CDK14: variants seen among roughly 807,000 people sequenced by gnomAD.
The protein encoded by CDK14 is cyclin-dependent kinase 14.
In CDK14, 34 loss-of-function variants were observed where a neutral mutation model predicts 60.7. That is an observed-to-expected ratio of 0.56 (90% CI 0.43 to 0.75). CDK14 has a LOEUF of 0.75. Among genes scored for constraint, CDK14 ranks in the 30% least tolerant of loss-of-function variants. The pLI is 0.00. For synonymous variants in CDK14, 197 were observed against 203.7 expected (o/e 0.97, Z 0.28); for missense variants, 482 against 564.1 (o/e 0.85, Z 1.47).
chr7:91,088,295 G>A (rs1798696668), intron 12 of CDK14, among the ~76,000 whole-genome samples: 1 of 152,148 alleles, frequency 6.6e-6, no homozygotes, highest in African/African-American at 2.4e-5. Context: ...TTTTCTTTTA[G>A]ACACTGAGCC....
rs573968403 is a variant in CDK14, at chr7:90,723,640, C to T, written c.124-2927C>T. ...CAAGTCAACAAATGCAGCCCACACT[C>T]AAGAGCTGGGGATTACATAAGAGTG... On this transcript the variant is annotated intron_variant, in intron 2 of 14. Transcript: ENST00000380050. 1.6e-4 allele frequency among the ~76,000 whole-genome samples: 24 copies of T among 152,272 alleles called. 1 individual carries two copies. Among genetic ancestry groups the T allele is most frequent in the Middle Eastern group, 3.4e-3 (1 of 294 alleles).
intron 8 of CDK14, among the ~76,000 whole-genome samples, chr7:90,949,618 A>G (rs778303484): frequency 7.2e-5 from 11 of 152,228 alleles, no homozygotes; most frequent in African/African-American, 1.2e-4. Flanking sequence ...TTACCTTAAC[A>G]TGTTTCAGTG....
At chr7:91,157,152 T>G (rs1207247493) in intron 14 of CDK14, among the ~76,000 whole-genome samples, 1 of 148,820 alleles carries the variant, frequency 6.7e-6, no homozygotes, top group Admixed American at 6.6e-5. Context: ...TTTCTCTTTC[T>G]CTATGAGAAG....
At chr7:91,112,187 C>T (rs1161668172) in intron 12 of CDK14, among the ~76,000 whole-genome samples, 2 of 151,810 alleles carry the variant, frequency 1.3e-5, no homozygotes, top group African/African-American at 4.8e-5. Context: ...ATAAATATAT[C>T]CAGATGTGGG....
intron 14 of CDK14, among the ~76,000 whole-genome samples, chr7:91,186,400 A>G (rs975753036): frequency 3.3e-5 from 5 of 150,066 alleles, no homozygotes; most frequent in Admixed American, 6.7e-5. Flanking sequence ...GTCATTTCCA[A>G]TTTGGGGCTG....
chr7:90,892,739 A>G (rs1792174837), intron 6 of CDK14, among the ~76,000 whole-genome samples: 1 of 152,118 alleles, frequency 6.6e-6, no homozygotes, highest in African/African-American at 2.4e-5. Context: ...ATGCTACCTG[A>G]TGGGTTAGTC....
chr7:90,865,355 C>T lies in CDK14; in HGVS notation c.639+2086C>T, dbSNP rs557706111. Among the ~76,000 whole-genome samples the T allele has an allele frequency of 2.6e-5, 4 of 152,210 alleles. No homozygotes were observed. In the South Asian group the frequency reaches 8.3e-4, roughly 32 times the overall value. ...ATTGCCCAGTTCAAAAATAACTTCC[C>T]TGAATATTACCTAAAGTTTTTATTT... On this transcript the variant is annotated intron_variant, in intron 6 of 14. Coordinates refer to ENST00000380050, the MANE Select transcript of CDK14 (RefSeq NM_001287135.2).
intron 4 of CDK14, among the ~76,000 whole-genome samples, chr7:90,768,390 T>C (rs1174147415): frequency 6.6e-6 from 1 of 152,248 alleles, no homozygotes; most frequent in African/African-American, 2.4e-5. Context: ...AGTGTGGGTG[T>C]GTGTATATTA....
intron 14 of CDK14, among the ~76,000 whole-genome samples, chr7:91,173,357 GT>G (rs1166906942): frequency 1.3e-5 from 2 of 151,816 alleles, no homozygotes; most frequent in East Asian, 3.9e-4. Context: ...TTCTAGGGAG[GT>G]TGGAGCAATG....
chr7:90,781,230 G>A (rs952016120), intron 4 of CDK14, among the ~76,000 whole-genome samples: 5 of 152,132 alleles, frequency 3.3e-5, no homozygotes, highest in African/African-American at 1.2e-4. Flanking sequence ...AGAAGTGTCT[G>A]TTCATGTCCT....
intron 5 of CDK14, among the ~76,000 whole-genome samples, chr7:90,824,433 G>C (rs559480717): frequency 6.6e-6 from 1 of 152,164 alleles, no homozygotes; most frequent in Non-Finnish European, 1.5e-5. Context: ...GCATAGTACC[G>C]AAGAGGTTTT....
At chr7:90,926,795 C>T (rs1485850485) in intron 8 of CDK14, among the ~76,000 whole-genome samples, 3 of 152,194 alleles carry the variant, frequency 2.0e-5, no homozygotes, top group Non-Finnish European at 4.4e-5. Context: ...ACTACCTCCG[C>T]TTTGAATGCC....
intron 10 of CDK14, among the ~76,000 whole-genome samples, chr7:90,989,889 G>A (rs2115682211): frequency 6.6e-6 from 1 of 152,030 alleles, no homozygotes; most frequent in South Asian, 2.1e-4. Context: ...TAAATTATGG[G>A]TGTTTAAAGA....
At chr7:90,750,557 G>A (rs1237890977) in intron 4 of CDK14, among the ~76,000 whole-genome samples, 1 of 152,200 alleles carries the variant, frequency 6.6e-6, no homozygotes, top group Non-Finnish European at 1.5e-5. Flanking sequence ...TTCTAGAATT[G>A]AAAAGCTCAC....
At chr7:90,940,435 A>T (rs1204932310) in intron 8 of CDK14, among the ~76,000 whole-genome samples, 2 of 152,040 alleles carry the variant, frequency 1.3e-5, no homozygotes, top group African/African-American at 4.8e-5. Context: ...ATTTTTAGTC[A>T]TTTGCTACAA....
intron 5 of CDK14, among the ~76,000 whole-genome samples, chr7:90,840,412 A>G (rs540008654): frequency 6.6e-6 from 1 of 152,340 alleles, no homozygotes; most frequent in Non-Finnish European, 1.5e-5. Context: ...AGCCATAGTG[A>G]TTTGCCAAAA....
At chr7:91,102,408 G>A (rs1050175860) in intron 12 of CDK14, among the ~76,000 whole-genome samples, 1 of 152,082 alleles carries the variant, frequency 6.6e-6, no homozygotes, top group Non-Finnish European at 1.5e-5. Context: ...ATGGAATTTT[G>A]TATCTCCATT....
chr7:90,968,833 A>G (rs1794835275), intron 9 of CDK14, among the ~76,000 whole-genome samples: 1 of 151,784 alleles, frequency 6.6e-6, no homozygotes, highest in South Asian at 2.1e-4. Flanking sequence ...AAAACAAAAA[A>G]AAAACAGCTC....
intron 5 of CDK14, among the ~76,000 whole-genome samples, chr7:90,807,477 A>G (rs1428670481): frequency 1.3e-5 from 2 of 152,218 alleles, no homozygotes; most frequent in Admixed American, 6.5e-5. Context: ...CGTCATCATC[A>G]TCAAAGACCA....
Sources: gnomAD v4.1 joint callset for allele counts (sites outside exome capture counted in the v4.1 genomes callset) on GRCh38, gnomAD v4.1.1 for gene constraint, MANE v1.5 for transcripts, NCBI Gene and HGNC (gene_info 2026-07-23, HGNC 2026-07-21) for gene names.